Variants in PIK3C2A observed in about 807,000 individuals in gnomAD.
PIK3C2A encodes phosphatidylinositol 4-phosphate 3-kinase C2 domain-containing subunit alpha.
Under a neutral mutation model 204.5 loss-of-function variants are expected in PIK3C2A, and 97 were observed. That is an observed-to-expected ratio of 0.47 (90% confidence interval 0.40 to 0.56). PIK3C2A has a LOEUF of 0.56. PIK3C2A is among the 20% of genes least tolerant of loss of function. The pLI, the probability that PIK3C2A is intolerant of heterozygous loss-of-function variation, is 0.00. For synonymous variants in PIK3C2A, 653 were observed against 664.4 expected, an observed-to-expected ratio of 0.98 and a Z score of 0.26; for missense variants, 1,735 against 1,969.2, an observed-to-expected ratio of 0.88 and a Z score of 2.25.
At chr11:17,105,817 A>T (rs1565243851) in intron 22 of PIK3C2A, among the ~76,000 whole-genome samples, 1 of 152,174 alleles carries the variant, frequency 6.6e-6, no homozygotes, top group African/African-American at 2.4e-5. Context: ...CTTCAAAAAA[A>T]TTCAAGTCTG....
chr11:17,132,315 A>ATTTTTTTTT (rs11307715), intron 11 of PIK3C2A, among the ~76,000 whole-genome samples: 1 of 78,812 alleles, frequency 1.3e-5, no homozygotes, highest in Non-Finnish European at 2.4e-5. Flanking sequence ...ATTAACTTTA[A>ATTTTTTTTT]TTTTTTTTTT....
intron 1 of PIK3C2A, among the ~76,000 whole-genome samples, chr11:17,191,948 CA>C (rs1360225951): frequency 7.6e-6 from 1 of 131,716 alleles, no homozygotes; most frequent in Non-Finnish European, 1.6e-5. Flanking sequence ...GCCTAAGAAA[CA>C]TAAGGAAACC....
At chr11:17,193,090 G>A (rs1183370831) in intron 1 of PIK3C2A, among the ~76,000 whole-genome samples, 1 of 152,158 alleles carries the variant, frequency 6.6e-6, no homozygotes. Flanking sequence ...ATATGTGGTC[G>A]CCTGCACTCT....
At chr11:17,196,239 A>C (rs557276891) in intron 1 of PIK3C2A, among the ~76,000 whole-genome samples, 1 of 152,308 alleles carries the variant, frequency 6.6e-6, no homozygotes, top group African/African-American at 2.4e-5. Context: ...TATACCTCCA[A>C]GATGGGGGAT....
intron 11 of PIK3C2A, among the ~76,000 whole-genome samples, chr11:17,133,687 GGAGACCGA>G (rs1849777561): frequency 6.6e-6 from 1 of 152,036 alleles, no homozygotes; most frequent in Non-Finnish European, 1.5e-5. Context: ...CAGAACTTTG[GGAGACCGA>G]GGTGGGCAGA....
At chr11:17,120,888 C>A (rs772166102) in intron 15 of PIK3C2A, among the ~76,000 whole-genome samples, 1 of 152,130 alleles carries the variant, frequency 6.6e-6, no homozygotes, top group Non-Finnish European at 1.5e-5. Context: ...TGGCTCACTG[C>A]AACCTCCGCC....
chr11:17,149,406 T>C (rs1428560635), intron 4 of PIK3C2A, among the ~76,000 whole-genome samples: 4 of 152,128 alleles, frequency 2.6e-5, no homozygotes, highest in Non-Finnish European at 4.4e-5. Flanking sequence ...TGTATGATAA[T>C]ACTATGTCTT....
At chr11:17,187,853 T>C (rs1398011577) in intron 1 of PIK3C2A, among the ~76,000 whole-genome samples, 1 of 151,860 alleles carries the variant, frequency 6.6e-6, no homozygotes, top group African/African-American at 2.4e-5. Context: ...ATGGAGGGGT[T>C]TGACTTGGAA....
At chr11:17,186,836 G>C (rs1308711981) in intron 1 of PIK3C2A, among the ~76,000 whole-genome samples, 1 of 152,190 alleles carries the variant, frequency 6.6e-6, no homozygotes, top group Non-Finnish European at 1.5e-5. Context: ...AGCACTTTGG[G>C]AGGCCAAGGC....
intron 12 of PIK3C2A, among the ~76,000 whole-genome samples, chr11:17,131,408 A>G (rs1446048972): frequency 6.9e-6 from 1 of 145,136 alleles, no homozygotes; most frequent in Non-Finnish European, 1.5e-5. Flanking sequence ...AAAGGCTTAA[A>G]AGGGTATTTC....
chr11:17,120,674 C>T (rs1388873025), intron 15 of PIK3C2A, among the ~76,000 whole-genome samples: 1 of 152,082 alleles, frequency 6.6e-6, no homozygotes, highest in East Asian at 1.9e-4. Flanking sequence ...CATACAGAGG[C>T]ACACACACGG....
At chr11:17,165,245 G>C (rs1432560170) in intron 2 of PIK3C2A, among the ~76,000 whole-genome samples, 1 of 152,110 alleles carries the variant, frequency 6.6e-6, no homozygotes, top group Non-Finnish European at 1.5e-5. Flanking sequence ...CTAGTCAAGA[G>C]GTCCCAAATG....
chr11:17,175,232 T>C (rs946900572), intron 1 of PIK3C2A, among the ~76,000 whole-genome samples: 1 of 152,232 alleles, frequency 6.6e-6, no homozygotes, highest in African/African-American at 2.4e-5. Flanking sequence ...ATCACCAATG[T>C]ATTTGCTTGC....
intron 20 of PIK3C2A, among the ~76,000 whole-genome samples, chr11:17,113,987 G>A (rs1441816594): frequency 1.3e-5 from 2 of 152,018 alleles, no homozygotes; most frequent in East Asian, 1.9e-4. Context: ...GGATGAGGCA[G>A]GAGAATCGCT....
At position 17,087,111 on chromosome 11, in the gene PIK3C2A, G is replaced by C. The variant is rs1342093746; in HGVS notation, c.*2627C>G. ...TCAAATCCCAAAACACTGGCAAGAA[G>C]AAATAATTCTTCTGATGCAGGACAA... On this transcript the variant is annotated 3_prime_UTR_variant, in exon 33 of 33. Coordinates refer to ENST00000691414, the MANE Select transcript of PIK3C2A (RefSeq NM_002645.4). The C allele has an allele frequency of 6.6e-6, 1 of 152,110 alleles. No individual in the cohort carries two copies. Among genetic ancestry groups the C allele is most frequent in the East Asian group, 1.9e-4 (1 of 5,198 alleles). 9.4% of individuals were successfully genotyped at this position (152,110 alleles called of 1,614,324 possible).
chr11:17,200,670 G>A (rs1338203268), intron 1 of PIK3C2A, among the ~76,000 whole-genome samples: 1 of 152,156 alleles, frequency 6.6e-6, no homozygotes, highest in South Asian at 2.1e-4. Flanking sequence ...TCTATATCTT[G>A]TATCTTAATT....
At chr11:17,139,576 C>T (rs1396713215) in intron 8 of PIK3C2A, among the ~76,000 whole-genome samples, 2 of 152,200 alleles carry the variant, frequency 1.3e-5, no homozygotes, top group Non-Finnish European at 1.5e-5. Flanking sequence ...GGCTGGCCCA[C>T]GCTGATACAT....
At chr11:17,197,994 T>A (rs1406687518) in intron 1 of PIK3C2A, among the ~76,000 whole-genome samples, 2 of 152,208 alleles carry the variant, frequency 1.3e-5, no homozygotes, top group East Asian at 3.8e-4. Context: ...AAAAAAGTCT[T>A]ACTTTCACAT....
At chr11:17,164,718 G>A (rs796512387) in intron 2 of PIK3C2A, among the ~76,000 whole-genome samples, 10 of 152,220 alleles carry the variant, frequency 6.6e-5, no homozygotes, top group African/African-American at 2.4e-4. Context: ...CTAGGAACTT[G>A]TTTCTGCTAA....
Sources: allele counts gnomAD v4.1 joint callset (sites outside exome capture counted in the v4.1 genomes callset), GRCh38; gene constraint gnomAD v4.1.1; transcripts MANE v1.5; gene names NCBI Gene and HGNC (gene_info 2026-07-23, HGNC 2026-07-21).